TENM4: variants seen among roughly 807,000 people sequenced by gnomAD.
TENM4 encodes the protein teneurin-4.
In TENM4, 82 loss-of-function variants were observed where a neutral mutation model predicts 243.3. The observed-to-expected ratio is 0.34, with a 90% CI of 0.28 to 0.40. The LOEUF is 0.40. Among genes scored for constraint, TENM4 ranks in the 10% least tolerant of loss-of-function variants. The pLI is 1.00. For synonymous variants in TENM4, 1,412 were observed against 1,456.3 expected (o/e 0.97, Z 0.69); for missense variants, 3,138 against 3,673.3 (o/e 0.85, Z 3.77).
chr11:79,343,667 A>G (rs1857279018), intron 1 of TENM4, among the ~76,000 whole-genome samples: 1 of 152,234 alleles, frequency 6.6e-6, no homozygotes, highest in African/African-American at 2.4e-5. Context: ...AAAAAAAAAA[A>G]AATAGTTTGA....
At chr11:79,029,682 T>C (rs1473415749) in intron 6 of TENM4, among the ~76,000 whole-genome samples, 1 of 152,136 alleles carries the variant, frequency 6.6e-6, no homozygotes, top group African/African-American at 2.4e-5. Flanking sequence ...GCCTTCGCAG[T>C]TGGAATCTTA....
intron 4 of TENM4, among the ~76,000 whole-genome samples, chr11:79,136,262 T>A (rs767761565): frequency 3.9e-5 from 6 of 152,142 alleles, no homozygotes; most frequent in Non-Finnish European, 8.8e-5. Flanking sequence ...GCTGTGAAGA[T>A]ATCTGCATCC....
chr11:78,965,817 T>C (rs111717130), intron 6 of TENM4, among the ~76,000 whole-genome samples: 4 of 134,278 alleles, frequency 3.0e-5, no homozygotes, highest in South Asian at 2.3e-4. Flanking sequence ...TTCTGTGAAG[T>C]ACAGTTATTA....
At chr11:79,384,737 C>T (rs886809386) in intron 1 of TENM4, among the ~76,000 whole-genome samples, 3 of 151,812 alleles carry the variant, frequency 2.0e-5, no homozygotes, top group African/African-American at 7.3e-5. Context: ...ACCAGCCTGG[C>T]CAACATGATG....
intron 6 of TENM4, among the ~76,000 whole-genome samples, chr11:78,911,870 A>G (rs1233570399): frequency 6.6e-6 from 1 of 152,162 alleles, no homozygotes; most frequent in Non-Finnish European, 1.5e-5. Flanking sequence ...AATGAACAAG[A>G]CACTTCTTTT....
intron 1 of TENM4, among the ~76,000 whole-genome samples, chr11:79,313,473 C>A (rs1263492033): frequency 6.6e-6 from 1 of 152,172 alleles, no homozygotes; most frequent in Non-Finnish European, 1.5e-5. Flanking sequence ...GTAATGGACA[C>A]CAGAAAGCTA....
Position 78,761,300 on chromosome 11 carries a change from C to T in TENM4, c.2540-4279G>A, listed in dbSNP as rs367796277. Among the ~76,000 whole-genome samples, 10 of 151,308 alleles carry T rather than the reference C, an allele frequency of 6.6e-5. No individual in the cohort carries two copies. In the South Asian group the frequency reaches 8.4e-4, roughly 13 times the overall value. On this transcript the variant is annotated intron_variant, in intron 18 of 33. Coordinates refer to ENST00000278550, the MANE Select transcript of TENM4 (RefSeq NM_001098816.3). ...TGTTGCCCAGGCTGGAGTGCAGTGG[C>T]GTGATCTCGGCTCACTGCAAGCTCC...
chr11:78,973,970 T>C (rs1267760960), intron 6 of TENM4, among the ~76,000 whole-genome samples: 3 of 151,984 alleles, frequency 2.0e-5, no homozygotes, highest in Non-Finnish European at 4.4e-5. Flanking sequence ...GCAAAGTCCC[T>C]GCAGCAGGAC....
At chr11:79,314,114 C>T (rs1247995846) in intron 1 of TENM4, among the ~76,000 whole-genome samples, 1 of 152,136 alleles carries the variant, frequency 6.6e-6, no homozygotes, top group Non-Finnish European at 1.5e-5. Context: ...GGGTTCAAAT[C>T]CAGCTCAGCC....
intron 2 of TENM4, among the ~76,000 whole-genome samples, chr11:79,285,662 T>G (rs770256742): frequency 3.9e-4 from 59 of 151,830 alleles, no homozygotes; most frequent in Admixed American, 1.8e-3. Context: ...TGTGTGTGTG[T>G]GGGTGGGTAT....
Position 79,246,062 on chromosome 11 carries a change from C to T in TENM4, c.-264-30153G>A, listed in dbSNP as rs190755663. On this transcript the variant is annotated intron_variant, in intron 2 of 33. Coordinates refer to ENST00000278550, the MANE Select transcript of TENM4 (RefSeq NM_001098816.3). ...GAAAGACAAACAGCGCAAGTGGTAA[C>T]GTCCTCATATAATTTCAGGCTGAAA... 2.2e-4 allele frequency among the ~76,000 whole-genome samples: 33 copies of T among 151,324 alleles called. 1 individual carries two copies. The highest frequency in any genetic ancestry group is 1.3e-3 in the South Asian group (6 of 4,782).
chr11:78,666,466 G>A (rs1179198721), intron 32 of TENM4, among the ~76,000 whole-genome samples: 1 of 152,174 alleles, frequency 6.6e-6, no homozygotes, highest in African/African-American at 2.4e-5. Context: ...ATGAAGGTGG[G>A]TATTATACCT....
At chr11:78,964,082 C>A (rs561716047) in intron 6 of TENM4, among the ~76,000 whole-genome samples, 1 of 125,324 alleles carries the variant, frequency 8.0e-6, no homozygotes, top group Non-Finnish European at 1.6e-5. Context: ...CTTGCTCTGT[C>A]GCCAGGCTGG....
chr11:79,130,021 A>G (rs1861968822), intron 4 of TENM4, among the ~76,000 whole-genome samples: 1 of 152,192 alleles, frequency 6.6e-6, no homozygotes, highest in Non-Finnish European at 1.5e-5. Flanking sequence ...AGGCACTGGT[A>G]TACACCACTG....
chr11:79,371,745 ATTG>A (rs1462729428), intron 1 of TENM4, among the ~76,000 whole-genome samples: 1 of 152,198 alleles, frequency 6.6e-6, no homozygotes, highest in Non-Finnish European at 1.5e-5. Flanking sequence ...TAATATGATA[ATTG>A]TTGTTACTAG....
chr11:79,071,639 C>T (rs764325095), intron 4 of TENM4, among the ~76,000 whole-genome samples: 1 of 152,190 alleles, frequency 6.6e-6, no homozygotes, highest in Non-Finnish European at 1.5e-5. Flanking sequence ...CTCTGAGGCT[C>T]GTAGTTTCCA....
At chr11:78,955,589 A>C (rs868465755) in intron 6 of TENM4, among the ~76,000 whole-genome samples, 33 of 152,286 alleles carry the variant, frequency 2.2e-4, no homozygotes, top group African/African-American at 7.7e-4. Context: ...TTATTTTTGT[A>C]CCTTTTAATG....
chr11:78,919,189 T>G (rs1856389870), intron 6 of TENM4, among the ~76,000 whole-genome samples: 1 of 152,220 alleles, frequency 6.6e-6, no homozygotes, highest in Non-Finnish European at 1.5e-5. Flanking sequence ...GTTAAGTTCT[T>G]TACATGCATG....
At chr11:78,969,322 A>G (rs902550099) in intron 6 of TENM4, among the ~76,000 whole-genome samples, 2 of 152,256 alleles carry the variant, frequency 1.3e-5, no homozygotes, top group South Asian at 4.1e-4. Flanking sequence ...GGACAAGGGA[A>G]TCCTAAGATC....
Sources: gnomAD v4.1 joint callset for allele counts (sites outside exome capture counted in the v4.1 genomes callset) on GRCh38, gnomAD v4.1.1 for gene constraint, MANE v1.5 for transcripts, NCBI Gene and HGNC (gene_info 2026-07-23, HGNC 2026-07-21) for gene names.